Variants in ADGRL3 observed in about 807,000 individuals in gnomAD.
The protein encoded by ADGRL3 is adhesion G protein-coupled receptor L3, also known as calcium-independent alpha-latrotoxin receptor 3.
Under a neutral mutation model 153.5 loss-of-function variants are expected in ADGRL3, and 62 were observed. The ratio of observed to expected loss-of-function variants is 0.40; its 90% CI spans 0.33 to 0.50. The LOEUF (loss-of-function observed/expected upper bound fraction) is 0.50. Ranked by LOEUF, ADGRL3 falls within the 20% of genes least tolerant of loss-of-function variation. The pLI is 0.47. For missense variants in ADGRL3, 1,641 were observed against 1,859.4 expected, an observed-to-expected ratio of 0.88 and a Z score of 2.16; for synonymous variants, 710 against 672.5, an observed-to-expected ratio of 1.06 and a Z score of -0.86.
chr4:61,466,572 A>G (rs1392855847), intron 2 of ADGRL3, among the ~76,000 whole-genome samples: 1 of 152,140 alleles, frequency 6.6e-6, no homozygotes, highest in Non-Finnish European at 1.5e-5. Context: ...ACCTGGTACT[A>G]TTTGGAAAAT....
intron 25 of ADGRL3, among the ~76,000 whole-genome samples, chr4:62,054,080 G>A (rs1003566774): frequency 6.6e-6 from 1 of 151,586 alleles, no homozygotes; most frequent in Non-Finnish European, 1.5e-5. Context: ...GAATTGAGTT[G>A]CTACTGTGTG....
At chr4:61,537,497 C>T (rs2098664169) in intron 4 of ADGRL3, among the ~76,000 whole-genome samples, 1 of 152,048 alleles carries the variant, frequency 6.6e-6, no homozygotes, top group Non-Finnish European at 1.5e-5. Flanking sequence ...TTCTTCTTCT[C>T]AGCAATACCT....
At chr4:61,428,619 G>A (rs2097310623) in intron 2 of ADGRL3, among the ~76,000 whole-genome samples, 1 of 152,096 alleles carries the variant, frequency 6.6e-6, no homozygotes, top group African/African-American at 2.4e-5. Context: ...GCCACTTACC[G>A]GCTATGTGAT....
intron 17 of ADGRL3, among the ~76,000 whole-genome samples, chr4:61,952,480 A>C (rs1321469623): frequency 6.8e-6 from 1 of 147,608 alleles, no homozygotes; most frequent in African/African-American, 2.5e-5. Flanking sequence ...CCCTGTCTCA[A>C]AAAAAAAAAA....
intron 9 of ADGRL3, among the ~76,000 whole-genome samples, chr4:61,840,505 CTA>C (rs370924059): frequency 1.0e-3 from 158 of 152,290 alleles, no homozygotes; most frequent in African/African-American, 3.6e-3. Flanking sequence ...TTTTTTGAGT[CTA>C]AGCCTGAGAG....
At chr4:61,231,987 A>ATCTAGTATTTAC in intron 1 of ADGRL3, among the ~76,000 whole-genome samples, 1 of 151,702 alleles carries the variant, frequency 6.6e-6, no homozygotes, top group Non-Finnish European at 1.5e-5. Context: ...GCATTACTAG[A>ATCTAGTATTTAC]TAGATAAATT....
intron 8 of ADGRL3, among the ~76,000 whole-genome samples, chr4:61,734,103 T>A (rs2151833328): frequency 6.6e-6 from 1 of 152,352 alleles, no homozygotes; most frequent in East Asian, 1.9e-4. Flanking sequence ...AACTGATAAG[T>A]ACAGTAAAAA....
At chr4:61,578,704 T>C (rs895078730) in intron 4 of ADGRL3, among the ~76,000 whole-genome samples, 2 of 152,100 alleles carry the variant, frequency 1.3e-5, no homozygotes, top group Non-Finnish European at 2.9e-5. Context: ...CTCTCCGATA[T>C]CCATACATAT....
chr4:62,035,194 A>G (rs17239226), intron 23 of ADGRL3, among the ~76,000 whole-genome samples: 4,448 of 152,074 alleles, frequency 0.029, 86 homozygotes, highest in Non-Finnish European at 0.044. Flanking sequence ...TCAGTAAGTA[A>G]TGTAGCTAAT....
intron 4 of ADGRL3, among the ~76,000 whole-genome samples, chr4:61,549,571 A>G (rs2098730897): frequency 6.6e-6 from 1 of 151,852 alleles, no homozygotes; most frequent in Admixed American, 6.6e-5. Context: ...TCCTTATTGC[A>G]TCATTCTATT....
chr4:61,552,751 G>T (rs1307402114), intron 4 of ADGRL3, among the ~76,000 whole-genome samples: 2 of 152,142 alleles, frequency 1.3e-5, no homozygotes, highest in Non-Finnish European at 2.9e-5. Context: ...TTATAGGCAT[G>T]AACCACCGTG....
chr4:61,598,932 A>G (rs899100129), intron 5 of ADGRL3, among the ~76,000 whole-genome samples: 1 of 152,176 alleles, frequency 6.6e-6, no homozygotes, highest in African/African-American at 2.4e-5. Flanking sequence ...AGAGATTAAT[A>G]CAAGGATATG....
chr4:61,385,618 G>T (rs2096726965), intron 2 of ADGRL3: 1 of 152,100 alleles, frequency 6.6e-6, no homozygotes, highest in African/African-American at 2.4e-5. Flanking sequence ...CTCAAAATGT[G>T]CACAATAGTA....
chr4:61,975,135 G>GA (rs1185590428), intron 17 of ADGRL3, among the ~76,000 whole-genome samples: 1 of 151,938 alleles, frequency 6.6e-6, no homozygotes, highest in Non-Finnish European at 1.5e-5. Context: ...AAAATAAGTA[G>GA]AAAAAATATT....
rs1368676815 is a variant in ADGRL3, at chr4:61,289,313, C to CT, written c.-240+87550dup. Among the ~76,000 whole-genome samples, 4 of 151,976 alleles carry CT rather than the reference C, an allele frequency of 2.6e-5. No homozygotes were observed. In the East Asian group the frequency reaches 7.7e-4, roughly 29 times the overall value. The stretch of plus-strand genomic sequence containing the variant: ...TAGCCTTTCCTCTGAGTAAAATTTG[C>CT]TTATTGTGTTTCATACCATCTTTCT... On this transcript the variant is annotated intron_variant, in intron 1 of 26. Transcript: ENST00000683033.
chr4:61,631,450 G>A (rs1196663834), intron 5 of ADGRL3, among the ~76,000 whole-genome samples: 1 of 152,036 alleles, frequency 6.6e-6, no homozygotes, highest in African/African-American at 2.4e-5. Context: ...TCTAACCAAG[G>A]AACCCTTTTC....
chr4:61,294,940 T>A (rs1418250758), intron 1 of ADGRL3, among the ~76,000 whole-genome samples: 2 of 150,104 alleles, frequency 1.3e-5, no homozygotes, highest in African/African-American at 2.5e-5. Flanking sequence ...CACACAGTAG[T>A]CCCCATTATT....
intron 4 of ADGRL3, among the ~76,000 whole-genome samples, chr4:61,574,461 T>A (rs1019117496): frequency 2.0e-5 from 3 of 151,824 alleles, no homozygotes; most frequent in Non-Finnish European, 4.4e-5. Context: ...CTAAATACAG[T>A]GAGCAAGGTA....
chr4:61,752,391 T>G (rs918488990), intron 8 of ADGRL3, among the ~76,000 whole-genome samples: 1 of 144,228 alleles, frequency 6.9e-6, no homozygotes. Flanking sequence ...CTAATAAGCA[T>G]ATTATTATGG....
Sources: gnomAD v4.1 joint callset for allele counts (sites outside exome capture counted in the v4.1 genomes callset) on GRCh38, gnomAD v4.1.1 for gene constraint, MANE v1.5 for transcripts, NCBI Gene and HGNC (gene_info 2026-07-23, HGNC 2026-07-21) for gene names.